The following CD4 variants were observed in gnomAD, a reference collection of about 807,000 sequenced individuals.
The protein encoded by CD4 is T-cell surface glycoprotein CD4.
Under a neutral mutation model 50.5 loss-of-function variants are expected in CD4, and 25 were observed. That is an observed-to-expected ratio of 0.49 (90% CI 0.36 to 0.69). The LOEUF is 0.69. Ranked by LOEUF, CD4 falls within the 30% of genes least tolerant of loss-of-function variation. The pLI is 0.00. For missense variants in CD4, 456 were observed against 548.5 expected, an observed-to-expected ratio of 0.83 and a Z score of 1.68; for synonymous variants, 207 against 221.9, an observed-to-expected ratio of 0.93 and a Z score of 0.60.
In CD4 at chr12:6,818,790, G is replaced by T. The variant is rs1943183691; in HGVS notation, c.1279-57G>T. 2 of 1,486,858 alleles carry T rather than the reference G, an allele frequency of 1.3e-6. No homozygotes were observed. The highest frequency in any genetic ancestry group is 2.8e-5 in the African/African-American group (2 of 72,362). The allele number at this position is 1,486,858 out of a possible 1,614,324, so 92.1% of individuals were successfully genotyped here. The stretch of plus-strand genomic sequence containing the variant: ...CTTCCCCCACTCCCCCCACCAAGGG[G>T]CACCTCCCTTCTGGAGGCCTGGGAC... On this transcript the variant is annotated intron_variant, in intron 8 of 9. Coordinates refer to ENST00000011653, the MANE Select transcript of CD4 (RefSeq NM_000616.5). The surrounding 1 kb of genome is among the most constrained non-coding windows in gnomAD (Gnocchi z 5.0).
In CD4 at chr12:6,816,002, T is replaced by C. The variant is rs782745876; in HGVS notation, c.608-54T>C. 6.2e-7 allele frequency: 1 copy of C among 1,609,408 alleles called. No individual in the cohort carries two copies. The highest frequency in any genetic ancestry group is 2.2e-5 in the East Asian group (1 of 44,830). Reference sequence around the variant, plus strand: ...TGCCTCCACATGCCAACCCCACTCGTGCACCCTCATCTTCCTATCTCCTCA... The same window carrying C: ...TGCCTCCACATGCCAACCCCACTCGCGCACCCTCATCTTCCTATCTCCTCA... On this transcript the variant is annotated intron_variant, in intron 5 of 9. Transcript: ENST00000011653. The surrounding 1 kb of genome is among the most constrained non-coding windows in gnomAD (Gnocchi z 4.9).
chr12:6,817,431 G>A (rs1943110227), intron 7 of CD4, 101 bp downstream of exon 7: 6 of 987,976 alleles, frequency 6.1e-6, no homozygotes, highest in Non-Finnish European at 9.2e-6. Flanking sequence ...GCCTGAGTTG[G>A]GGGGTTATGG....
chr12:6,801,708 A>C (rs113389043), intron 3 of CD4, among the ~76,000 whole-genome samples: 1 of 132,346 alleles, frequency 7.6e-6, no homozygotes, highest in Non-Finnish European at 1.6e-5. Flanking sequence ...CTACAGGCGT[A>C]TGCCACCATG....
At chr12:6,815,183 C>T in intron 5 of CD4, 191 bp downstream of exon 5, 1 of 568,658 alleles carries the variant, frequency 1.8e-6, no homozygotes, top group Non-Finnish European at 3.1e-6. Context: ...TGATTGGCAG[C>T]CACCCCTCAG....
chr12:6,814,813 T>C lies in CD4; in HGVS notation c.428T>C (p.Leu143Ser), dbSNP rs1555117611. ...CAGGGGCAGAGCCTGACCCTGACCT[T>C]GGAGAGCCCCCCTGGTAGTAGCCCC... Reference protein sequence around the residue: ...LLQGQSLTLTLESPPGSSPSV... With the variant: ...LLQGQSLTLTSESPPGSSPSV... Residue 143 changes from leucine to serine, a missense_variant, in exon 5 of 10, where the codon TTG becomes TCG. Physicochemically the swap from Leu to Ser is moderately radical, Grantham distance 145 (BLOSUM62 -2). Transcript: ENST00000011653. The C allele has an allele frequency of 6.2e-7, 1 of 1,613,478 alleles. No individual in the cohort carries two copies. The highest frequency in any genetic ancestry group is 1.1e-5 in the South Asian group (1 of 91,060).
In CD4 at chr12:6,801,693, T is replaced by C. The variant is rs1555115311; in HGVS notation, c.214+1222T>C. 2.7e-5 allele frequency among the ~76,000 whole-genome samples: 4 copies of C among 150,726 alleles called. No individual in the cohort carries two copies. The East Asian group carries it at 5.9e-4, about 22-fold the overall frequency. On this transcript the variant is annotated intron_variant, in intron 3 of 9. Coordinates refer to ENST00000011653, the MANE Select transcript of CD4 (RefSeq NM_000616.5). ...CTCCTGCCTCAGCCTCCCGAGTAGCTGGGACTACAGGCGTATGCCACCATG... is the reference window on the plus strand; with the variant it reads ...CTCCTGCCTCAGCCTCCCGAGTAGCCGGGACTACAGGCGTATGCCACCATG...
In CD4 at chr12:6,792,050, C is replaced by T. The variant is rs987618385; in HGVS notation, c.-68+2388C>T. ...GCGAAGAAGAGGATGGCGGAGGTTG[C>T]AGCCACCAACCACAAGAGTTCCTTA... is the stretch of plus-strand genomic sequence containing the variant. On this transcript the variant is annotated intron_variant, in intron 1 of 9. Coordinates refer to ENST00000011653, the MANE Select transcript of CD4 (RefSeq NM_000616.5). The surrounding 1 kb of genome is among the most constrained non-coding windows in gnomAD (Gnocchi z 4.1). Among the ~76,000 whole-genome samples the T allele has an allele frequency of 4.6e-5, 7 of 152,154 alleles. No individual in the cohort carries two copies. Among genetic ancestry groups the T allele is most frequent in the Non-Finnish European group, 1.0e-4 (7 of 68,032 alleles).
At chr12:6,815,045 C>G in intron 5 of CD4, 53 bp downstream of exon 5, 1 of 1,247,196 alleles carries the variant, frequency 8.0e-7, no homozygotes, top group African/African-American at 1.5e-5. Flanking sequence ...GGGCTGACAG[C>G]CCCTCCCTCT....
chr12:6,808,318 G>A (rs71435098), intron 3 of CD4, among the ~76,000 whole-genome samples: 58,377 of 149,088 alleles, frequency 0.39, 11,861 homozygotes, highest in Non-Finnish European at 0.43. Flanking sequence ...TGGGCGTGGT[G>A]GCACCCGCCT....
At chr12:6,811,141 G>T (rs28917493) in intron 3 of CD4, among the ~76,000 whole-genome samples, 24 of 152,270 alleles carry the variant, frequency 1.6e-4, no homozygotes, top group Non-Finnish European at 2.5e-4. Context: ...TCTCAGGGAG[G>T]CAGAGGCAGT....
Position 6,794,778 on chromosome 12 carries a change from TTTTTTTTG to T in CD4, c.-68+5124_-68+5131del, listed in dbSNP as rs1463353880. On this transcript the variant is annotated intron_variant, in intron 1 of 9. Coordinates refer to ENST00000011653, the MANE Select transcript of CD4 (RefSeq NM_000616.5). Reference sequence around the variant, plus strand: ...TAATCTATCTGTCTGTATGTCTGTTTTTTTTTTGTTTTTTTTTTTTTTTTGAGATAGAG... The same window carrying T: ...TAATCTATCTGTCTGTATGTCTGTTTTTTTTTTTTTTTTTTTGAGATAGAG... 9.1e-5 allele frequency among the ~76,000 whole-genome samples: 12 copies of T among 132,472 alleles called. 2 individuals carry two copies. Among genetic ancestry groups the T allele is most frequent in the South Asian group, 5.5e-4 (2 of 3,650 alleles). The allele number at this position is 132,472 out of a possible 152,430, so 86.9% of individuals were successfully genotyped here. A position where few individuals can be genotyped will look rare whatever the true frequency, so the allele number is the denominator to read the frequency against.
chr12:6,791,916 G>C (rs2707213), intron 1 of CD4, among the ~76,000 whole-genome samples: 3 of 151,854 alleles, frequency 2.0e-5, no homozygotes, highest in East Asian at 3.9e-4. Context: ...TCAGAAGTAG[G>C]TGGGCAGGGG....
chr12:6,802,260 G>T (rs1452130607), intron 3 of CD4, among the ~76,000 whole-genome samples: 3 of 151,836 alleles, frequency 2.0e-5, no homozygotes, highest in African/African-American at 7.3e-5. Context: ...TCAAATGCAT[G>T]CATACTTCTA....
At position 6,814,961 on chromosome 12, in the gene CD4, G is replaced by C; in HGVS notation, c.576G>C (p.Lys192Asn). 6.2e-7 allele frequency: 1 copy of C among 1,613,406 alleles called. No individual in the cohort carries two copies. Among genetic ancestry groups the C allele is most frequent in the Non-Finnish European group, 8.5e-7 (1 of 1,179,546 alleles). Reference sequence around the variant, plus strand: ...GCACTGTCTTGCAGAACCAGAAGAAGGTGGAGTTCAAAATAGACATCGTGG... The same window carrying C: ...GCACTGTCTTGCAGAACCAGAAGAACGTGGAGTTCAAAATAGACATCGTGG... ...WTCTVLQNQK[K>N]VEFKIDIVVL... Residue 192 changes from lysine to asparagine, a missense_variant, in exon 5 of 10, where the codon AAG (lysine) becomes AAC (asparagine). By Grantham distance (94) the Lys-to-Asn change is moderately conservative (BLOSUM62 0). Coordinates refer to ENST00000011653, the MANE Select transcript of CD4 (RefSeq NM_000616.5).
intron 3 of CD4, among the ~76,000 whole-genome samples, chr12:6,804,787 C>T (rs1456614319): frequency 3.3e-5 from 5 of 151,794 alleles, no homozygotes; most frequent in South Asian, 2.1e-4. Context: ...GAGGCTGAGG[C>T]GGGCGGATCA....
At chr12:6,793,684 CTA>C (rs1942249458) in intron 1 of CD4, among the ~76,000 whole-genome samples, 3 of 98,072 alleles carry the variant, frequency 3.1e-5, no homozygotes, top group South Asian at 8.0e-4. Context: ...ATCTATCTAT[CTA>C]TCTATCTATC....
At chr12:6,805,772 T>C (rs782666930) in intron 3 of CD4, among the ~76,000 whole-genome samples, 1 of 151,960 alleles carries the variant, frequency 6.6e-6, no homozygotes, top group East Asian at 1.9e-4. Context: ...ACCAGCAAGA[T>C]TTTTTGTAGA....
At chr12:6,812,351 A>G (rs1942962402) in intron 3 of CD4, among the ~76,000 whole-genome samples, 1 of 152,152 alleles carries the variant, frequency 6.6e-6, no homozygotes, top group Non-Finnish European at 1.5e-5. Flanking sequence ...ATGAGCAGAG[A>G]TCGAACACTC....
At chr12:6,803,724 G>A (rs925384592) in intron 3 of CD4, among the ~76,000 whole-genome samples, 18 of 151,718 alleles carry the variant, frequency 1.2e-4, no homozygotes, top group African/African-American at 2.2e-4. Flanking sequence ...GGCGGAGGTC[G>A]CAGTGAGCTG....
Sources: gnomAD v4.1 joint callset for allele counts (sites outside exome capture counted in the v4.1 genomes callset) on GRCh38, gnomAD v4.1.1 for gene constraint, Gnocchi (gnomAD v3.1) non-coding constraint, MANE v1.5 for transcripts, NCBI Gene and HGNC (gene_info 2026-07-23, HGNC 2026-07-21) for gene names.